The following DGKG variants were observed in gnomAD, a reference collection of about 807,000 sequenced individuals.
DGKG encodes the protein diacylglycerol kinase gamma, also known as DAG kinase gamma.
In DGKG, 78 loss-of-function variants were observed where a neutral mutation model predicts 105.3. That is an observed-to-expected ratio of 0.74 (90% CI 0.62 to 0.89). The LOEUF is 0.89. Ranked by LOEUF, DGKG falls within the 40% of genes least tolerant of loss-of-function variation. DGKG has a pLI of 0.00. For missense variants in DGKG, 958 were observed against 1,020.1 expected (o/e 0.94, Z 0.83); for synonymous variants, 346 against 367.1 (o/e 0.94, Z 0.66).
chr3:186,350,609 T>C (rs1422828232), intron 1 of DGKG, among the ~76,000 whole-genome samples: 2 of 152,218 alleles, frequency 1.3e-5, no homozygotes, highest in Non-Finnish European at 2.9e-5. Context: ...TATACCCAGA[T>C]GTGTGATTAC....
chr3:186,250,504 T>A (rs979693074), intron 19 of DGKG, among the ~76,000 whole-genome samples: 10 of 151,852 alleles, frequency 6.6e-5, no homozygotes, highest in Middle Eastern at 3.2e-3. Flanking sequence ...AGGGAAAAAA[T>A]TTGATAAATA....
rs529505703 is a variant in DGKG at position 186,343,828 on chromosome 3, G to A, written c.-249+18118C>T. Among the ~76,000 whole-genome samples, 10 of 151,910 alleles carry A rather than the reference G, an allele frequency of 6.6e-5. No homozygotes were observed. The South Asian group carries it at 1.9e-3, about 28-fold the overall frequency. On this transcript the variant is annotated intron_variant, in intron 1 of 24. Coordinates refer to ENST00000265022, the MANE Select transcript of DGKG (RefSeq NM_001346.3). ...AAAAAAAAATTTCAAATTTGTTTTA[G>A]CTCTTTTTGTCTTTTTTTCACTTAG... is the stretch of plus-strand genomic sequence containing the variant.
At chr3:186,240,807 G>A (rs1313672373) in intron 20 of DGKG, among the ~76,000 whole-genome samples, 2 of 138,854 alleles carry the variant, frequency 1.4e-5, no homozygotes, top group African/African-American at 2.7e-5. Context: ...GAAACTCCAT[G>A]AAAAAAAAAA....
At chr3:186,241,760 G>A (rs1720697020) in intron 20 of DGKG, among the ~76,000 whole-genome samples, 1 of 152,180 alleles carries the variant, frequency 6.6e-6, no homozygotes, top group South Asian at 2.1e-4. Context: ...ATTGACTAAT[G>A]AGAAGATACA....
At chr3:186,161,364 G>A (rs1716281801) in intron 24 of DGKG, 2 of 1,375,298 alleles carry the variant, frequency 1.5e-6, no homozygotes, top group African/African-American at 1.5e-5. Context: ...CTCGAAGTTG[G>A]TTCTATGTCT....
At position 186,284,509 on chromosome 3, in the gene DGKG, G is replaced by T; in HGVS notation, c.594+151C>A. ...GCCGGCCCTTTGGAAATAGCGGGTG[G>T]AGAGGTCCTAGTCGGATTTCCTCAG... On this transcript the variant is annotated intron_variant, in intron 7 of 24. Coordinates refer to ENST00000265022, the MANE Select transcript of DGKG (RefSeq NM_001346.3). This position sits in a 1 kb window ranked among gnomAD's most constrained non-coding sequence, Gnocchi z 4.0. 1 of 703,510 alleles carries T rather than the reference G, an allele frequency of 1.4e-6. No homozygotes were observed. Among genetic ancestry groups the T allele is most frequent in the Non-Finnish European group, 2.5e-6 (1 of 395,986 alleles). The allele number at this position is 703,510 out of a possible 1,614,324, so 43.6% of individuals were successfully genotyped here. A position where few individuals can be genotyped will look rare whatever the true frequency, so the allele number is the denominator to read the frequency against.
At chr3:186,183,687 T>TTC (rs1167768776) in intron 22 of DGKG, among the ~76,000 whole-genome samples, 25 of 151,706 alleles carry the variant, frequency 1.6e-4, no homozygotes, top group African/African-American at 5.8e-4. Context: ...TAGTCTTTCT[T>TTC]TTTTTTTCTT....
intron 19 of DGKG, among the ~76,000 whole-genome samples, chr3:186,244,608 G>A (rs1244186540): frequency 3.9e-5 from 6 of 152,118 alleles, no homozygotes; most frequent in African/African-American, 1.4e-4. Context: ...GTTTCACCAT[G>A]TTGGCCAGGC....
In DGKG at chr3:186,284,551, G is replaced by C; in HGVS notation, c.594+109C>G. On this transcript the variant is annotated intron_variant, in intron 7 of 24. Coordinates refer to ENST00000265022, the MANE Select transcript of DGKG (RefSeq NM_001346.3). The surrounding 1 kb of genome is among the most constrained non-coding windows in gnomAD (Gnocchi z 4.0). ...TTTCCTCAGCCTGCATCGAGACATT[G>C]CTATTACTACAAAGACGGAACTGAA... 1.1e-6 allele frequency: 1 copy of C among 939,928 alleles called. No individual in the cohort carries two copies. Among genetic ancestry groups the C allele is most frequent in the East Asian group, 2.4e-5 (1 of 41,462 alleles). The allele number at this position is 939,928 out of a possible 1,614,324, so 58.2% of individuals were successfully genotyped here.
rs1356875601 is a variant in DGKG at position 186,271,133 on chromosome 3, T to C, written c.999+1122A>G. On this transcript the variant is annotated intron_variant, in intron 11 of 24. Coordinates refer to ENST00000265022, the MANE Select transcript of DGKG (RefSeq NM_001346.3). The stretch of plus-strand genomic sequence containing the variant: ...ACCACTCTCATGGCTAACTGTCTCC[T>C]GACTCACACTCCTCCATGTAATCTT... Among the ~76,000 whole-genome samples the C allele has an allele frequency of 2.0e-5, 3 of 152,344 alleles. 1 individual carries two copies. Among genetic ancestry groups the C allele is most frequent in the Middle Eastern group, 6.8e-3 (2 of 294 alleles).
In DGKG at chr3:186,337,163, C is replaced by A. The variant is rs986799678; in HGVS notation, c.-248-16456G>T. On this transcript the variant is annotated intron_variant, in intron 1 of 24. Transcript: ENST00000265022. ...TAGCATAACCCGGTAACAAACTGAA[C>A]AAGGAAAATACAAAAACAAATTATA... Among the ~76,000 whole-genome samples the A allele has an allele frequency of 2.6e-5, 4 of 152,004 alleles. No individual in the cohort carries two copies. The South Asian group carries it at 6.2e-4, about 24-fold the overall frequency.
chr3:186,324,000 C>T (rs1725213198), intron 1 of DGKG, among the ~76,000 whole-genome samples: 1 of 148,152 alleles, frequency 6.7e-6, no homozygotes, highest in Admixed American at 6.8e-5. Context: ...CCCAGCTACT[C>T]GGGAGGCTGA....
intron 21 of DGKG, among the ~76,000 whole-genome samples, chr3:186,204,831 C>T (rs1489674106): frequency 2.0e-5 from 3 of 152,118 alleles, no homozygotes; most frequent in Non-Finnish European, 2.9e-5. Context: ...TTCGGATTGG[C>T]GTGTATTGCT....
chr3:186,320,050 G>C lies in DGKG; in HGVS notation c.67+343C>G, dbSNP rs771895887. Among the ~76,000 whole-genome samples, 50 of 152,300 alleles carry C rather than the reference G, an allele frequency of 3.3e-4. No individual in the cohort carries two copies. In the Middle Eastern group the frequency reaches 0.01, roughly 31 times the overall value. ...ACGATATATTAGGCGGAAAATGCAG[G>C]CTTAACGCAGGGTGTATACAGTGTG... is the stretch of plus-strand genomic sequence containing the variant. On this transcript the variant is annotated intron_variant, in intron 2 of 24. Coordinates refer to ENST00000265022, the MANE Select transcript of DGKG (RefSeq NM_001346.3).
chr3:186,300,155 C>A (rs1053570467), intron 3 of DGKG, among the ~76,000 whole-genome samples: 2 of 152,164 alleles, frequency 1.3e-5, no homozygotes, highest in African/African-American at 2.4e-5. Context: ...CCAATTGTAA[C>A]CCACCCACCT....
intron 2 of DGKG, among the ~76,000 whole-genome samples, chr3:186,310,324 A>C (rs931666797): frequency 4.0e-5 from 6 of 150,156 alleles, no homozygotes; most frequent in African/African-American, 1.5e-4. Context: ...GGAGGTTTCT[A>C]ACTAGCTTTC....
At chr3:186,357,394 GC>G (rs1199040254) in intron 1 of DGKG, among the ~76,000 whole-genome samples, 1 of 152,050 alleles carries the variant, frequency 6.6e-6, no homozygotes, top group Non-Finnish European at 1.5e-5. Context: ...AGTTATTGAG[GC>G]AGTAAAGCAA....
chr3:186,250,104 C>T lies in DGKG; in HGVS notation c.1761+1655G>A, dbSNP rs559707490. On this transcript the variant is annotated intron_variant, in intron 19 of 24. Transcript: ENST00000265022. ...GAGAACCTGGCTCCAGAACAAGGCACCACCATGCGAGTCAAGGGTCTCGAA... is the reference window on the plus strand; with the variant it reads ...GAGAACCTGGCTCCAGAACAAGGCATCACCATGCGAGTCAAGGGTCTCGAA... Among the ~76,000 whole-genome samples the T allele has an allele frequency of 3.9e-5, 6 of 152,202 alleles. No homozygotes were observed. In the South Asian group the frequency reaches 1.2e-3, roughly 32 times the overall value.
At chr3:186,353,638 A>ATCTATGTCTATG (rs1726753083) in intron 1 of DGKG, among the ~76,000 whole-genome samples, 4 of 108,330 alleles carry the variant, frequency 3.7e-5, no homozygotes, top group Admixed American at 2.0e-4. Context: ...CTATATCTAT[A>ATCTATGTCTATG]TCTATATCTA....
Sources: gnomAD v4.1 joint callset for allele counts (sites outside exome capture counted in the v4.1 genomes callset) on GRCh38, gnomAD v4.1.1 for gene constraint, Gnocchi (gnomAD v3.1) non-coding constraint, MANE v1.5 for transcripts, NCBI Gene and HGNC (gene_info 2026-07-23, HGNC 2026-07-21) for gene names.